The following TMEM214 variants were observed in gnomAD, a reference collection of about 807,000 sequenced individuals.
TMEM214 encodes the protein transmembrane protein 214.
Under a neutral mutation model 89.8 loss-of-function variants are expected in TMEM214, and 71 were observed. The ratio of observed to expected loss-of-function variants is 0.79; its 90% CI spans 0.65 to 0.96. The LOEUF (loss-of-function observed/expected upper bound fraction) is 0.96. Ranked by LOEUF, TMEM214 falls within the 40% of genes least tolerant of loss-of-function variation. TMEM214 has a pLI of 0.00. For synonymous variants in TMEM214, 332 were observed against 349.5 expected (o/e 0.95, Z 0.56); for missense variants, 754 against 843.4 (o/e 0.89, Z 1.31).
intron 13 of TMEM214, 187 bp from the exon 14 acceptor site, chr2:27,039,545 TGCACACCTG>T (rs1319784221): frequency 1.6e-6 from 1 of 620,608 alleles, no homozygotes; most frequent in African/African-American, 1.8e-5. Context: ...GCTGCATTCC[TGCACACCTG>T]GCCCAGCAGG....
intron 16 of TMEM214, 103 bp downstream of exon 16, chr2:27,040,599 C>G (rs987639609): frequency 5.7e-6 from 9 of 1,582,038 alleles, no homozygotes; most frequent in Non-Finnish European, 7.7e-6. Context: ...TCCTGCCCCT[C>G]GCTCCCATTC....
In TMEM214 at chr2:27,035,992, C is replaced by G. The variant is rs200348969; in HGVS notation, c.660C>G (p.Arg220=). ...KTPGESLHGY[R]ICIQAILQDK... is the part of the protein sequence containing the mutation. ...CAGGGGAGTCACTACATGGTTACCGCATCTGTATCCAGGCCATCCTGCAAG... is the reference window on the plus strand; with the variant it reads ...CAGGGGAGTCACTACATGGTTACCGGATCTGTATCCAGGCCATCCTGCAAG... The change falls in exon 5 of 17, where the codon CGC becomes CGG. Residue 220 remains arginine, a synonymous_variant. Coordinates refer to ENST00000238788, the MANE Select transcript of TMEM214 (RefSeq NM_017727.5). The G allele has an allele frequency of 6.2e-7, 1 of 1,614,178 alleles. No individual in the cohort carries two copies. Among genetic ancestry groups the G allele is most frequent in the African/African-American group, 1.3e-5 (1 of 75,048 alleles).
intron 1 of TMEM214, among the ~76,000 whole-genome samples, chr2:27,033,380 C>A (rs1325749953): frequency 6.6e-6 from 1 of 152,172 alleles, no homozygotes; most frequent in East Asian, 1.9e-4. Flanking sequence ...AAGTTGGATA[C>A]CTTGGCCAGG....
intron 3 of TMEM214, 153 bp from the exon 4 acceptor site, chr2:27,035,441 T>G: frequency 7.1e-7 from 1 of 1,414,466 alleles, no homozygotes; most frequent in Non-Finnish European, 9.6e-7. Context: ...GGCCTCATTC[T>G]GTGATCCTCC....
chr2:27,039,960 G>C, intron 14 of TMEM214, 70 bp from the exon 15 acceptor site: 1 of 1,593,604 alleles, frequency 6.3e-7, no homozygotes, highest in Admixed American at 1.7e-5. Context: ...CCTTTCCCCA[G>C]CTGTTTCTTG....
chr2:27,038,598 C>T lies in TMEM214; in HGVS notation c.1293+66C>T. On this transcript the variant is annotated intron_variant, in intron 11 of 16. Transcript: ENST00000238788. This position sits in a 1 kb window ranked among gnomAD's most constrained non-coding sequence, Gnocchi z 4.4. ...GATTCTAGGTTCTGAGTGGGGGCTC[C>T]TCAGCCACTGTCCCTTCCCTGAGAA... 5 of 1,607,980 alleles carry T rather than the reference C, an allele frequency of 3.1e-6. No individual in the cohort carries two copies. Among genetic ancestry groups the T allele is most frequent in the Non-Finnish European group, 4.3e-6 (5 of 1,175,246 alleles).
Position 27,034,266 on chromosome 2 carries a change from T to C in TMEM214, c.351T>C (p.Ala117=). The stretch of plus-strand genomic sequence containing the variant: ...GCAGCCTGGAGGAAGCACTGAAAGC[T>C]GTGAGTGTGCCTAGACATGAGACGC... The part of the protein sequence containing the change: ...RFRSLEEALK[A]LDVADLQKEL... The change falls in exon 2 of 17, where the codon GCT becomes GCC. Residue 117 remains alanine (A), a splice_region_variant and synonymous_variant. Coordinates refer to ENST00000238788, the MANE Select transcript of TMEM214 (RefSeq NM_017727.5). The C allele has an allele frequency of 6.2e-7, 1 of 1,613,442 alleles. No homozygotes were observed. Among genetic ancestry groups the C allele is most frequent in the Non-Finnish European group, 8.5e-7 (1 of 1,179,960 alleles).
chr2:27,037,758 C>T, intron 9 of TMEM214, 56 bp downstream of exon 9: 2 of 1,613,906 alleles, frequency 1.2e-6, no homozygotes, highest in Non-Finnish European at 1.7e-6. Flanking sequence ...TGTAGCGGTC[C>T]CTATCTGCTG....
In TMEM214 at chr2:27,038,073, A is replaced by T; in HGVS notation, c.1153-73A>T. The T allele has an allele frequency of 6.2e-7, 1 of 1,612,328 alleles. No homozygotes were observed. Among genetic ancestry groups the T allele is most frequent in the Non-Finnish European group, 8.5e-7 (1 of 1,179,734 alleles). On this transcript the variant is annotated intron_variant, in intron 9 of 16. Coordinates refer to ENST00000238788, the MANE Select transcript of TMEM214 (RefSeq NM_017727.5). The surrounding 1 kb of genome is among the most constrained non-coding windows in gnomAD (Gnocchi z 4.4). Reference sequence around the variant, plus strand: ...GGATGGCCTTGCTTACGGGAAGGGGATCACCTCTTAGCACTCCCCGCCTCT... The same window carrying T: ...GGATGGCCTTGCTTACGGGAAGGGGTTCACCTCTTAGCACTCCCCGCCTCT...
chr2:27,037,100 GCTTCGGCATGATTGGCCCCAAGGA>G lies in TMEM214; in HGVS notation c.937_960del (p.Gly313_Phe320del), dbSNP rs1443173708. The G allele has an allele frequency of 1.2e-6, 2 of 1,613,848 alleles. No individual in the cohort carries two copies. Among genetic ancestry groups the G allele is most frequent in the Non-Finnish European group, 1.7e-6 (2 of 1,179,994 alleles). The stretch of plus-strand genomic sequence containing the variant: ...AGGATGCATCCCAACCTTACCAAGG[GCTTCGGCATGATTGGCCCCAAGGA>G]CTTCTTCCCACTTCTGGACTTTGCC... On this transcript the variant is annotated inframe_deletion, in exon 8 of 17. Coordinates refer to ENST00000238788, the MANE Select transcript of TMEM214 (RefSeq NM_017727.5).
intron 1 of TMEM214, 111 bp downstream of exon 1, chr2:27,033,277 C>A: frequency 9.2e-7 from 1 of 1,082,714 alleles, no homozygotes; most frequent in Non-Finnish European, 1.2e-6. Flanking sequence ...GAGCGCCACG[C>A]TTGCGTTGTC....
rs1667593008 is a variant in TMEM214 at position 27,036,971 on chromosome 2, G to A, written c.909-106G>A. On this transcript the variant is annotated intron_variant, in intron 7 of 16. Coordinates refer to ENST00000238788, the MANE Select transcript of TMEM214 (RefSeq NM_017727.5). ...GAGCTATTAAGGGCTGGCAGATGGG[G>A]TAGAGTTTATACCCTTTTTCCTAGA... is the stretch of plus-strand genomic sequence containing the variant. 2.6e-6 allele frequency: 3 copies of A among 1,153,880 alleles called. No individual in the cohort carries two copies. The Admixed American group carries it at 5.1e-5, about 20-fold the overall frequency. 71.5% of individuals were successfully genotyped at this position (1,153,880 alleles called of 1,614,324 possible). A position where few individuals can be genotyped will look rare whatever the true frequency, so the allele number is the denominator to read the frequency against.
chr2:27,037,116 C>T lies in TMEM214; in HGVS notation c.948C>T (p.Gly316=). The part of the protein sequence containing the change: ...PNLTKGFGMI[G]PKDFFPLLDF... ...TTACCAAGGGCTTCGGCATGATTGG[C>T]CCCAAGGACTTCTTCCCACTTCTGG... Residue 316 remains glycine (G), a synonymous_variant, in exon 8 of 17, where the codon GGC becomes GGT. Transcript: ENST00000238788. The T allele has an allele frequency of 6.2e-7, 1 of 1,614,030 alleles. No individual in the cohort carries two copies. Among genetic ancestry groups the T allele is most frequent in the African/African-American group, 1.3e-5 (1 of 74,972 alleles).
chr2:27,034,707 C>CCAAG (rs1423124944), intron 2 of TMEM214: 1 of 207,566 alleles, frequency 4.8e-6, no homozygotes, highest in Non-Finnish European at 9.8e-6. Flanking sequence ...CCTCAGCCTC[C>CCAAG]CAAGCAGCTG....
rs768151098 is a variant in TMEM214 at position 27,036,006 on chromosome 2, C to T, written c.674C>T (p.Ala225Val). 1 of 1,613,990 alleles carries T rather than the reference C, an allele frequency of 6.2e-7. No individual in the cohort carries two copies. The change falls in exon 5 of 17, where the codon GCC (alanine) becomes GTC (valine). Residue 225 changes from alanine (A) to valine (V), a missense_variant. Transcript: ENST00000238788. The stretch of plus-strand genomic sequence containing the variant: ...CATGGTTACCGCATCTGTATCCAGG[C>T]CATCCTGCAAGACAAGCCCAAGATT... ...SLHGYRICIQ[A>V]ILQDKPKIAT...
rs777877436 is a variant in TMEM214 at position 27,040,889 on chromosome 2, C to T, written c.*52C>T. 1 of 1,592,466 alleles carries T rather than the reference C, an allele frequency of 6.3e-7. No individual in the cohort carries two copies. The highest frequency in any genetic ancestry group is 1.3e-5 in the African/African-American group (1 of 74,668). On this transcript the variant is annotated 3_prime_UTR_variant, in exon 17 of 17. Transcript: ENST00000238788. ...TGCATGGGTAGACCATCCAAGACTG[C>T]AGCGGGTAGAAGGTGGCAGTTCTTC...
Position 27,038,462 on chromosome 2 carries a change from G to A in TMEM214, c.1245-22G>A, listed in dbSNP as rs1215120786. The stretch of plus-strand genomic sequence containing the variant: ...TGAGGCTGCGCGAGCCACCTGACTA[G>A]GGGGTTGTGCTTTCCCCACAGCCTT... On this transcript the variant is annotated intron_variant, in intron 10 of 16. Coordinates refer to ENST00000238788, the MANE Select transcript of TMEM214 (RefSeq NM_017727.5). This position sits in a 1 kb window ranked among gnomAD's most constrained non-coding sequence, Gnocchi z 4.4. The A allele has an allele frequency of 6.2e-7, 1 of 1,613,670 alleles. No individual in the cohort carries two copies. The highest frequency in any genetic ancestry group is 1.3e-5 in the African/African-American group (1 of 75,038).
intron 14 of TMEM214, 23 bp from the exon 15 acceptor site, chr2:27,040,007 T>C: frequency 6.3e-7 from 1 of 1,598,690 alleles, no homozygotes; most frequent in Non-Finnish European, 8.5e-7. Context: ...AGAGCCCTCT[T>C]CCCCCACTTC....
rs368826471 is a variant in TMEM214 at position 27,038,847 on chromosome 2, G to T, written c.1407+32G>T. On this transcript the variant is annotated intron_variant, in intron 12 of 16. Transcript: ENST00000238788. The surrounding 1 kb of genome is among the most constrained non-coding windows in gnomAD (Gnocchi z 4.4). ...GCACCCGGTCCTCTCCAGCCCACAC[G>T]CTATCTTACATCTCTGTCTCAGCAC... 1 of 1,580,654 alleles carries T rather than the reference G, an allele frequency of 6.3e-7. No individual in the cohort carries two copies. The highest frequency in any genetic ancestry group is 1.1e-5 in the South Asian group (1 of 89,838).
Sources: allele counts gnomAD v4.1 joint callset (sites outside exome capture counted in the v4.1 genomes callset), GRCh38; gene constraint gnomAD v4.1.1; non-coding constraint Gnocchi (gnomAD v3.1); transcripts MANE v1.5; gene names NCBI Gene and HGNC (gene_info 2026-07-23, HGNC 2026-07-21).